Variants in IKBKB observed in about 807,000 individuals in gnomAD.
The protein encoded by IKBKB is inhibitor of nuclear factor kappa-B kinase subunit beta.
IKBKB carries 42 observed loss-of-function variants against 113.6 expected under a neutral mutation model. The ratio of observed to expected loss-of-function variants is 0.37; its 90% CI spans 0.29 to 0.48. The LOEUF (loss-of-function observed/expected upper bound fraction) is 0.48, where lower values mean the gene tolerates loss of function less well. Among genes scored for constraint, IKBKB ranks in the 20% least tolerant of loss-of-function variants. The probability of loss-of-function intolerance (pLI) is 0.99; values close to 1 mark genes in which losing one functional copy is unlikely to be tolerated. For synonymous variants in IKBKB, 296 were observed against 361.3 expected (o/e 0.82, Z 2.05); for missense variants, 673 against 939.7 (o/e 0.72, Z 3.71).
At chr8:42,306,540 A>T in intron 7 of IKBKB, 108 bp downstream of exon 7, 1 of 748,482 alleles carries the variant, frequency 1.3e-6, no homozygotes, top group Non-Finnish European at 2.4e-6. Context: ...CGGCTCTCTG[A>T]ATGTTTTGGA....
At position 42,331,574 on chromosome 8, in the gene IKBKB, T is replaced by G. The variant is rs1205033948; in HGVS notation, c.*595T>G. 9 of 599,262 alleles carry G rather than the reference T, an allele frequency of 1.5e-5. No individual in the cohort carries two copies. The highest frequency in any genetic ancestry group is 2.4e-5 in the Non-Finnish European group (8 of 336,492). The allele number at this position is 599,262 out of a possible 1,614,324, so 37.1% of individuals were successfully genotyped here. On this transcript the variant is annotated 3_prime_UTR_variant, in exon 22 of 22. Coordinates refer to ENST00000520810, the MANE Select transcript of IKBKB (RefSeq NM_001556.3). Reference sequence around the variant, plus strand: ...TGGCCCCATCCTCACTTCCTCTTTTTATTTCACTGCTGCTAAAATTGTGTT... The same window carrying G: ...TGGCCCCATCCTCACTTCCTCTTTTGATTTCACTGCTGCTAAAATTGTGTT...
intron 8 of IKBKB, among the ~76,000 whole-genome samples, chr8:42,312,607 T>A (rs1190850950): frequency 6.6e-6 from 1 of 152,230 alleles, no homozygotes; most frequent in African/African-American, 2.4e-5. Flanking sequence ...GCCCAAGCAA[T>A]AAGCATCTTA....
intron 5 of IKBKB, among the ~76,000 whole-genome samples, chr8:42,300,474 TGATA>T (rs920711495): frequency 5.3e-5 from 8 of 152,172 alleles, no homozygotes; most frequent in African/African-American, 1.7e-4. Flanking sequence ...TCTAAACTTG[TGATA>T]GATAGAGATT....
rs1271130191 is a variant in IKBKB, at chr8:42,321,917, G to C, written c.1710G>C (p.Leu570=). ...TTAGAGAGGAGCAAGCAAGGGAGCT[G>C]TACAGGAGACTAAGGGAAAAACCTC... ...LDDLEEQARE[L]YRRLREKPRD... Residue 570 remains leucine (L), a synonymous_variant, in exon 17 of 22, where the codon CTG becomes CTC. Transcript: ENST00000520810. 11 of 1,613,156 alleles carry C rather than the reference G, an allele frequency of 6.8e-6. No individual in the cohort carries two copies. The highest frequency in any genetic ancestry group is 8.5e-6 in the Non-Finnish European group (10 of 1,179,418).
intron 2 of IKBKB, among the ~76,000 whole-genome samples, chr8:42,281,692 C>T (rs888817424): frequency 9.2e-5 from 14 of 152,200 alleles, no homozygotes; most frequent in Non-Finnish European, 1.6e-4. Flanking sequence ...CCTGGGTCCT[C>T]CTGCCCAGTC....
chr8:42,321,512 T>C (rs1462660029), intron 16 of IKBKB: 1 of 169,290 alleles, frequency 5.9e-6, no homozygotes, highest in African/African-American at 2.4e-5. Flanking sequence ...CTCTAGTTCT[T>C]TTATTTGTAT....
chr8:42,293,305 G>A, intron 4 of IKBKB, 138 bp from the exon 5 acceptor site: 1 of 986,218 alleles, frequency 1.0e-6, no homozygotes, highest in Non-Finnish European at 1.5e-6. Flanking sequence ...CTGCAGCCCT[G>A]GCTTCCTCAA....
Position 42,316,567 on chromosome 8 carries a change from G to T in IKBKB, c.931-143G>T. The stretch of plus-strand genomic sequence containing the variant: ...GAAAGATGCAAATATGCGAAACATG[G>T]CACATGACCTCCCTCCCTCAAGCTA... On this transcript the variant is annotated intron_variant, in intron 10 of 21. Coordinates refer to ENST00000520810, the MANE Select transcript of IKBKB (RefSeq NM_001556.3). This position sits in a 1 kb window ranked among gnomAD's most constrained non-coding sequence, Gnocchi z 4.5. 1.1e-6 allele frequency: 1 copy of T among 892,982 alleles called. No individual in the cohort carries two copies. The highest frequency in any genetic ancestry group is 1.7e-6 in the Non-Finnish European group (1 of 593,752). 55.3% of individuals were successfully genotyped at this position (892,982 alleles called of 1,614,324 possible). A position where few individuals can be genotyped will look rare whatever the true frequency, so the allele number is the denominator to read the frequency against.
At chr8:42,311,563 C>CAAA (rs56282608) in intron 8 of IKBKB, among the ~76,000 whole-genome samples, 4 of 114,048 alleles carry the variant, frequency 3.5e-5, no homozygotes, top group Non-Finnish European at 4.9e-5. Context: ...TCCATCTTAC[C>CAAA]AAAAAAAAAA....
chr8:42,277,829 T>G (rs1266672468), intron 2 of IKBKB, among the ~76,000 whole-genome samples: 1 of 152,220 alleles, frequency 6.6e-6, no homozygotes, highest in Non-Finnish European at 1.5e-5. Context: ...GGGTCTGGCC[T>G]TTGGAGTTCC....
At chr8:42,286,839 G>A (rs1811512395) in intron 2 of IKBKB, among the ~76,000 whole-genome samples, 1 of 152,212 alleles carries the variant, frequency 6.6e-6, no homozygotes, top group Non-Finnish European at 1.5e-5. Context: ...GTAGAGTCTG[G>A]TACAATGCTG....
intron 15 of IKBKB, 192 bp from the exon 16 acceptor site, chr8:42,320,543 C>T (rs919680370): frequency 3.2e-5 from 17 of 525,252 alleles, no homozygotes; most frequent in Non-Finnish European, 5.7e-5. Flanking sequence ...GCCAAGGGGT[C>T]ACACAGCTAG....
intron 4 of IKBKB, among the ~76,000 whole-genome samples, chr8:42,291,769 T>C (rs1812693010): frequency 6.6e-6 from 1 of 151,894 alleles, no homozygotes; most frequent in Admixed American, 6.6e-5. Flanking sequence ...CCTCAAAAAA[T>C]AAAAAATGAA....
intron 5 of IKBKB, among the ~76,000 whole-genome samples, chr8:42,304,637 C>T (rs1816134824): frequency 6.6e-6 from 1 of 152,166 alleles, no homozygotes; most frequent in African/African-American, 2.4e-5. Flanking sequence ...TCTTCTGCCT[C>T]CCCGCTGCTT....
chr8:42,309,064 T>C, intron 8 of IKBKB, 39 bp downstream of exon 8: 2 of 1,596,774 alleles, frequency 1.3e-6, no homozygotes, highest in Non-Finnish European at 1.7e-6. Context: ...GGAGGGAGCC[T>C]GTCTGTTCCT....
chr8:42,301,788 A>G (rs1178699661), intron 5 of IKBKB, among the ~76,000 whole-genome samples: 1 of 152,218 alleles, frequency 6.6e-6, no homozygotes, highest in Non-Finnish European at 1.5e-5. Flanking sequence ...CACGTGGCGT[A>G]GAGAGCGGTG....
At chr8:42,318,753 G>C in intron 13 of IKBKB, 78 bp downstream of exon 13, 1 of 1,401,378 alleles carries the variant, frequency 7.1e-7, no homozygotes. Context: ...AGGTGGTTGA[G>C]GCAGGGACCC....
intron 13 of IKBKB, 135 bp from the exon 14 acceptor site, chr8:42,319,135 T>C (rs1450048933): frequency 1.3e-6 from 1 of 787,654 alleles, no homozygotes; most frequent in East Asian, 2.5e-5. Context: ...TATAAGTGGC[T>C]GCTATAATAA....
chr8:42,294,114 A>T (rs1020520667), intron 5 of IKBKB, among the ~76,000 whole-genome samples: 1 of 152,228 alleles, frequency 6.6e-6, no homozygotes, highest in Non-Finnish European at 1.5e-5. Context: ...ACCTGGCCCC[A>T]GCCTGGGGAG....
Sources: allele counts gnomAD v4.1 joint callset (sites outside exome capture counted in the v4.1 genomes callset), GRCh38; gene constraint gnomAD v4.1.1; non-coding constraint Gnocchi (gnomAD v3.1); transcripts MANE v1.5; gene names NCBI Gene and HGNC (gene_info 2026-07-23, HGNC 2026-07-21).